The following CCDC112 variants were observed in gnomAD, a reference collection of about 807,000 sequenced individuals.
CCDC112 encodes the protein coiled-coil domain-containing protein 112.
CCDC112 carries 40 observed loss-of-function variants against 66.3 expected under a neutral mutation model. That is an observed-to-expected ratio of 0.60 (90% CI 0.47 to 0.79). The LOEUF is 0.79. Ranked by LOEUF, CCDC112 falls within the 30% of genes least tolerant of loss-of-function variation. The pLI, the probability that CCDC112 is intolerant of heterozygous loss-of-function variation, is 0.00. For missense variants in CCDC112, 659 were observed against 603.8 expected (o/e 1.09, Z -0.96); for synonymous variants, 214 against 197.2 (o/e 1.09, Z -0.71).
chr5:115,287,091 T>C (rs1749706020), intron 1 of CCDC112, among the ~76,000 whole-genome samples: 1 of 152,250 alleles, frequency 6.6e-6, no homozygotes, highest in African/African-American at 2.4e-5. Flanking sequence ...TTAAACTTTT[T>C]AAAGAATTGC....
intron 1 of CCDC112, 188 bp downstream of exon 1, chr5:115,296,239 A>G (rs1222647332): frequency 2.3e-6 from 3 of 1,288,694 alleles, no homozygotes; most frequent in South Asian, 2.3e-5. Flanking sequence ...CCGAAACCAC[A>G]TGGAGGCGGC....
intron 1 of CCDC112, among the ~76,000 whole-genome samples, chr5:115,287,592 T>A (rs1325986970): frequency 6.6e-6 from 1 of 150,992 alleles, no homozygotes; most frequent in African/African-American, 2.4e-5. Flanking sequence ...CGGCAACCAA[T>A]CAGAAAGGGT....
intron 3 of CCDC112, among the ~76,000 whole-genome samples, chr5:115,278,284 T>C (rs1300549817): frequency 6.6e-6 from 1 of 152,154 alleles, no homozygotes; most frequent in Non-Finnish European, 1.5e-5. Context: ...AGACAAATCA[T>C]TTAAGTACAA....
rs1290139771 is a variant in CCDC112, at chr5:115,279,741, G to C, written c.267C>G (p.His89Gln). The change falls in exon 3 of 10, where the codon CAC (histidine) becomes CAG (glutamine). Residue 89 changes from histidine (H) to glutamine (Q), a missense_variant. By Grantham distance (24) the His-to-Gln change is conservative. Transcript: ENST00000379611. ...NQVINMEKDKHSHFYNQKSDF... is the reference protein window; with the variant it reads ...NQVINMEKDKQSHFYNQKSDF... ...CACTTTTTTGGTTGTAGAAATGACT[G>C]TGTTTATCTTTTTCCATGTTAATTA... 1.3e-6 allele frequency: 2 copies of C among 1,533,378 alleles called. No individual in the cohort carries two copies. The highest frequency in any genetic ancestry group is 4.5e-5 in the East Asian group (2 of 44,298). The allele number at this position is 1,533,378 out of a possible 1,614,324, so 95.0% of individuals were successfully genotyped here.
At position 115,268,947 on chromosome 5, in the gene CCDC112, AC is replaced by A; in HGVS notation, c.1481del (p.Gly494ValfsTer9). On this transcript the variant is annotated frameshift_variant, in exon 9 of 10. Transcript: ENST00000379611. LOFTEE classifies it high-confidence loss of function. ...CTATCTTTTTGGTTCGTTCTTCCCA[AC>A]CTTTGGTGGGTTTGTAAAGCCTAGA... ...DPSRLYKPTK[G>X]WEERTKKIGP... is the part of the protein sequence containing the mutation. 4 of 1,606,984 alleles carry A rather than the reference AC, an allele frequency of 2.5e-6. No homozygotes were observed. Among genetic ancestry groups the A allele is most frequent in the Non-Finnish European group, 3.4e-6 (4 of 1,176,924 alleles).
intron 1 of CCDC112, among the ~76,000 whole-genome samples, chr5:115,286,490 A>C (rs554555714): frequency 6.6e-6 from 1 of 152,312 alleles, no homozygotes; most frequent in South Asian, 2.1e-4. Flanking sequence ...ATTTGGCCAA[A>C]TTAATCTGAA....
intron 1 of CCDC112, among the ~76,000 whole-genome samples, chr5:115,292,148 C>T (rs532055490): frequency 1.9e-3 from 288 of 152,178 alleles, no homozygotes; most frequent in South Asian, 0.017. Flanking sequence ...GTATGCCTAA[C>T]GGTATCTCAC....
chr5:115,270,175 G>T (rs1440916622), intron 7 of CCDC112, among the ~76,000 whole-genome samples: 3 of 151,840 alleles, frequency 2.0e-5, no homozygotes, highest in Non-Finnish European at 4.4e-5. Flanking sequence ...TATTTTTGGG[G>T]TGTATGAGGA....
At position 115,296,468 on chromosome 5, in the gene CCDC112, C is replaced by T; in HGVS notation, c.76G>A (p.Ala26Thr). The change falls in exon 1 of 10, where the codon GCC (alanine) becomes ACC (threonine). Residue 26 changes from alanine to threonine, a missense_variant. Ala to Thr is a moderately conservative substitution (Grantham distance 58). Coordinates refer to ENST00000379611, the MANE Select transcript of CCDC112 (RefSeq NM_001040440.3). ...VAGAVAGAGA[A>T]TGTGVGATPA... ...GTCGCTCCCACGCCGGTCCCGGTGG[C>T]CGCGCCCGCCCCTGCCACAGCCCCG... 1 of 1,550,514 alleles carries T rather than the reference C, an allele frequency of 6.4e-7. No homozygotes were observed. Among genetic ancestry groups the T allele is most frequent in the Non-Finnish European group, 8.7e-7 (1 of 1,155,424 alleles).
chr5:115,276,150 T>C, intron 4 of CCDC112, 81 bp from the exon 5 acceptor site: 15 of 968,968 alleles, frequency 1.5e-5, no homozygotes, highest in Non-Finnish European at 2.4e-5. Flanking sequence ...AAAAGTGGAA[T>C]GTTCTCCTAA....
intron 1 of CCDC112, among the ~76,000 whole-genome samples, chr5:115,287,290 T>A (rs1749715411): frequency 6.6e-6 from 1 of 152,198 alleles, no homozygotes; most frequent in Admixed American, 6.5e-5. Flanking sequence ...TGTTGAGCAT[T>A]TTTTTCATGT....
Position 115,267,741 on chromosome 5 carries a change from C to A in CCDC112, c.*135G>T. The A allele has an allele frequency of 1.4e-6, 1 of 737,074 alleles. No individual in the cohort carries two copies. Among genetic ancestry groups the A allele is most frequent in the Non-Finnish European group, 2.4e-6 (1 of 420,626 alleles). 45.7% of individuals were successfully genotyped at this position (737,074 alleles called of 1,614,324 possible). On this transcript the variant is annotated 3_prime_UTR_variant, in exon 10 of 10. Transcript: ENST00000379611. Reference sequence around the variant, plus strand: ...TGACAAAGCCTCATGAAACTTAATACCTCTCAATTCACAATATAGCACAAT... The same window carrying A: ...TGACAAAGCCTCATGAAACTTAATAACTCTCAATTCACAATATAGCACAAT...
rs765324814 is a variant in CCDC112 at position 115,275,955 on chromosome 5, A to C, written c.527+39T>G. 6 of 1,344,822 alleles carry C rather than the reference A, an allele frequency of 4.5e-6. No individual in the cohort carries two copies. In the East Asian group the frequency reaches 1.4e-4, roughly 31 times the overall value. 83.3% of individuals were successfully genotyped at this position (1,344,822 alleles called of 1,614,324 possible). A position where few individuals can be genotyped will look rare whatever the true frequency, so the allele number is the denominator to read the frequency against. On this transcript the variant is annotated intron_variant, in intron 5 of 9. Transcript: ENST00000379611. ...ACTGGGGCCAGTTATTAAAAAATAA[A>C]GGTCAATAATTTTATATTAAAATGA...
intron 3 of CCDC112, 78 bp from the exon 4 acceptor site, chr5:115,277,132 G>A: frequency 1.3e-6 from 1 of 786,190 alleles, no homozygotes. Context: ...ATGTAAGACT[G>A]ATCACTGTTA....
rs774337503 is a variant in CCDC112 at position 115,276,950 on chromosome 5, TC to T, written c.451+14del. 6 of 1,480,768 alleles carry T rather than the reference TC, an allele frequency of 4.1e-6. No homozygotes were observed. In the Admixed American group the frequency reaches 5.1e-5, roughly 13 times the overall value. 91.7% of individuals were successfully genotyped at this position (1,480,768 alleles called of 1,614,324 possible). ...CTAACACATAAGAAAGATTATAATA[TC>T]TAAATTTACTTACAATCAGGTGTAG... On this transcript the variant is annotated intron_variant, in intron 4 of 9. Transcript: ENST00000379611.
At chr5:115,269,907 A>G (rs1748929900) in intron 7 of CCDC112, 109 bp from the exon 8 acceptor site, 5 of 636,346 alleles carry the variant, frequency 7.9e-6, no homozygotes, top group Non-Finnish European at 1.1e-5. Flanking sequence ...ATATTCCTTC[A>G]ATATTAATTC....
intron 1 of CCDC112, chr5:115,288,994 T>C: frequency 7.1e-6 from 1 of 141,560 alleles, no homozygotes; most frequent in Non-Finnish European, 1.5e-5. Flanking sequence ...ATTGGCTTCC[T>C]TTTTTTTTTT....
chr5:115,296,098 G>A (rs907841559), intron 1 of CCDC112: 33 of 1,051,288 alleles, frequency 3.1e-5, no homozygotes, highest in Non-Finnish European at 9.2e-6. Context: ...CATAACGTTA[G>A]TCCAAAGCTC....
intron 3 of CCDC112, among the ~76,000 whole-genome samples, chr5:115,277,906 C>T (rs1168749002): frequency 6.6e-6 from 1 of 152,006 alleles, no homozygotes; most frequent in African/African-American, 2.4e-5. Flanking sequence ...TGCAACTTTT[C>T]CACAAATAAG....
Sources: allele counts gnomAD v4.1 joint callset (sites outside exome capture counted in the v4.1 genomes callset), GRCh38; gene constraint gnomAD v4.1.1; transcripts MANE v1.5; gene names NCBI Gene and HGNC (gene_info 2026-07-23, HGNC 2026-07-21).